LINGO1: variants seen among roughly 807,000 people sequenced by gnomAD.
The protein encoded by LINGO1 is leucine-rich repeat and immunoglobulin-like domain-containing nogo receptor-interacting protein 1.
Under a neutral mutation model 37.3 loss-of-function variants are expected in LINGO1, and 11 were observed. The observed-to-expected ratio is 0.29, with a 90% confidence interval of 0.19 to 0.49. The LOEUF (loss-of-function observed/expected upper bound fraction) is 0.49. Among genes scored for constraint, LINGO1 ranks in the 20% least tolerant of loss-of-function variants. The probability of loss-of-function intolerance (pLI) is 0.99; values close to 1 mark genes in which losing one functional copy is unlikely to be tolerated. For synonymous variants in LINGO1, 387 were observed against 403.0 expected (o/e 0.96, Z 0.48); for missense variants, 585 against 878.2 (o/e 0.67, Z 4.22).
intron 1 of LINGO1, among the ~76,000 whole-genome samples, chr15:77,769,677 G>A (rs1347292082): frequency 6.6e-6 from 1 of 152,134 alleles, no homozygotes; most frequent in Non-Finnish European, 1.5e-5. Flanking sequence ...CACCCCTGGG[G>A]GACAGGATCC....
intron 3 of LINGO1, among the ~76,000 whole-genome samples, chr15:77,674,534 A>G (rs1466179294): frequency 1.3e-5 from 2 of 151,884 alleles, no homozygotes; most frequent in African/African-American, 4.8e-5. Context: ...TCCCTCACTC[A>G]CCCTGTTCTG....
intron 1 of LINGO1, among the ~76,000 whole-genome samples, chr15:77,775,338 A>G (rs750980924): frequency 7.2e-5 from 11 of 152,154 alleles, no homozygotes; most frequent in Non-Finnish European, 7.4e-5. Flanking sequence ...AGTTTGGGGC[A>G]AGGCTTCCAG....
chr15:77,812,558 G>A (rs551657532), intron 1 of LINGO1, among the ~76,000 whole-genome samples: 9 of 152,330 alleles, frequency 5.9e-5, no homozygotes, highest in Non-Finnish European at 8.8e-5. Context: ...CCACCCTGGC[G>A]GTGTGGGTCA....
chr15:77,647,529 T>C (rs929267001), intron 3 of LINGO1, among the ~76,000 whole-genome samples: 20 of 152,126 alleles, frequency 1.3e-4, no homozygotes, highest in Admixed American at 3.9e-4. Flanking sequence ...GGTGTGAGTG[T>C]AGAGGGTGGA....
intron 1 of LINGO1, among the ~76,000 whole-genome samples, chr15:77,741,455 G>A (rs938868406): frequency 6.6e-6 from 1 of 152,168 alleles, no homozygotes; most frequent in African/African-American, 2.4e-5. Context: ...ATACAGCAGA[G>A]GCCAGGGCTC....
At chr15:77,752,412 C>T (rs771514859) in intron 1 of LINGO1, among the ~76,000 whole-genome samples, 6 of 152,194 alleles carry the variant, frequency 3.9e-5, no homozygotes, top group East Asian at 1.9e-4. Context: ...CCATGGTGTC[C>T]GGCAAACCCA....
chr15:77,752,447 C>CA (rs2076381294), intron 1 of LINGO1, among the ~76,000 whole-genome samples: 1 of 152,214 alleles, frequency 6.6e-6, no homozygotes, highest in South Asian at 2.1e-4. Context: ...AAAAGCAACA[C>CA]AAATCGATGG....
chr15:77,692,389 G>C (rs2075619627), intron 1 of LINGO1, among the ~76,000 whole-genome samples: 1 of 152,202 alleles, frequency 6.6e-6, no homozygotes, highest in Admixed American at 6.5e-5. Context: ...GGGAGTGGCT[G>C]TTGCCATGGA....
intron 1 of LINGO1, among the ~76,000 whole-genome samples, chr15:77,808,157 T>A (rs1011722325): frequency 3.3e-5 from 5 of 151,550 alleles, no homozygotes; most frequent in African/African-American, 1.2e-4. Flanking sequence ...ACCTCAGACC[T>A]GGACACAATT....
intron 1 of LINGO1, among the ~76,000 whole-genome samples, chr15:77,804,953 G>A (rs557579944): frequency 6.6e-6 from 1 of 152,336 alleles, no homozygotes; most frequent in Non-Finnish European, 1.5e-5. Flanking sequence ...TGGCAGCCAA[G>A]CCCAGGCCAC....
At chr15:77,764,850 C>T (rs1253628083) in intron 1 of LINGO1, among the ~76,000 whole-genome samples, 1 of 152,188 alleles carries the variant, frequency 6.6e-6, no homozygotes, top group Non-Finnish European at 1.5e-5. Context: ...GTCCACAATG[C>T]TCACAGCAGC....
chr15:77,631,732 C>T (rs562007755), intron 1 of LINGO1, among the ~76,000 whole-genome samples: 1 of 152,368 alleles, frequency 6.6e-6, no homozygotes, highest in Non-Finnish European at 1.5e-5. Flanking sequence ...TTCCTGGGCG[C>T]TCCCGGTCCC....
chr15:77,635,403 GGTCT>G (rs1348811410), upstream of LINGO1, among the ~76,000 whole-genome samples: 1 of 152,126 alleles, frequency 6.6e-6, no homozygotes, highest in African/African-American at 2.4e-5. Context: ...AGGAAAAGGG[GGTCT>G]GTCACTGGGT....
chr15:77,800,981 T>C (rs951159717), intron 1 of LINGO1, among the ~76,000 whole-genome samples: 2 of 152,320 alleles, frequency 1.3e-5, no homozygotes, highest in East Asian at 1.9e-4. Flanking sequence ...ATTTTTTGCC[T>C]ATCAGATTGG....
At chr15:77,782,243 A>G (rs1457167100) in intron 1 of LINGO1, among the ~76,000 whole-genome samples, 5 of 136,778 alleles carry the variant, frequency 3.7e-5, no homozygotes, top group Non-Finnish European at 8.1e-5. Context: ...ACACACACAC[A>G]CACGTGCCCG....
At chr15:77,701,809 T>C (rs1346621767) in intron 2 of LINGO1, among the ~76,000 whole-genome samples, 1 of 152,200 alleles carries the variant, frequency 6.6e-6, no homozygotes, top group Non-Finnish European at 1.5e-5. Flanking sequence ...CTGATGCAGA[T>C]GCCAGCACCA....
At chr15:77,685,054 G>A (rs2075481696) in intron 2 of LINGO1, among the ~76,000 whole-genome samples, 1 of 150,220 alleles carries the variant, frequency 6.7e-6, no homozygotes, top group Non-Finnish European at 1.5e-5. Flanking sequence ...GAAGCTCCAG[G>A]GGCCAGAGGC....
chr15:77,634,352 G>A (rs2074352022), upstream of LINGO1: 1 of 456,008 alleles, frequency 2.2e-6, no homozygotes, highest in Non-Finnish European at 4.4e-6. Flanking sequence ...GTCCTGTCTG[G>A]AGCACTTTCT....
At chr15:77,744,668 C>A (rs1353318861) in intron 1 of LINGO1, among the ~76,000 whole-genome samples, 1 of 152,254 alleles carries the variant, frequency 6.6e-6, no homozygotes, top group African/African-American at 2.4e-5. Flanking sequence ...TAGGTTCTAT[C>A]AGTATTCCCC....
Sources: allele counts gnomAD v4.1 joint callset (sites outside exome capture counted in the v4.1 genomes callset), GRCh38; gene constraint gnomAD v4.1.1; transcripts MANE v1.5; gene names NCBI Gene and HGNC (gene_info 2026-07-23, HGNC 2026-07-21).